The following SNX27 variants were observed in gnomAD, a reference collection of about 807,000 sequenced individuals.
SNX27 encodes sorting nexin-27.
SNX27 carries 22 observed loss-of-function variants against 71.6 expected under a neutral mutation model. The ratio of observed to expected loss-of-function variants is 0.31; its 90% CI spans 0.22 to 0.44. SNX27 has a LOEUF of 0.44. Among genes scored for constraint, SNX27 ranks in the 20% least tolerant of loss-of-function variants. The pLI is 1.00. For missense variants in SNX27, 531 were observed against 698.6 expected (o/e 0.76, Z 2.70); for synonymous variants, 269 against 277.2 (o/e 0.97, Z 0.29).
intron 2 of SNX27, among the ~76,000 whole-genome samples, chr1:151,647,893 T>A (rs1669122364): frequency 6.6e-6 from 1 of 151,580 alleles, no homozygotes; most frequent in Non-Finnish European, 1.5e-5. Context: ...GTATACAGCA[T>A]GTATAAAGAA....
Position 151,612,181 on chromosome 1 carries a change from T to A in SNX27, c.-21T>A, listed in dbSNP as rs899263445. Reference sequence around the variant, plus strand: ...GCCTTGGAGGCGTAGGGGGCGGGGGTACGGCTCGCCTGCTCGCAAGATGGC... The same window carrying A: ...GCCTTGGAGGCGTAGGGGGCGGGGGAACGGCTCGCCTGCTCGCAAGATGGC... On this transcript the variant is annotated 5_prime_UTR_variant, in exon 1 of 12. Coordinates refer to ENST00000458013, the MANE Select transcript of SNX27 (RefSeq NM_001330723.2). The surrounding 1 kb of genome is among the most constrained non-coding windows in gnomAD (Gnocchi z 5.2). The A allele has an allele frequency of 4.5e-6, 6 of 1,323,538 alleles. No homozygotes were observed. The highest frequency in any genetic ancestry group is 5.8e-6 in the Non-Finnish European group (6 of 1,034,992). 82.0% of individuals were successfully genotyped at this position (1,323,538 alleles called of 1,614,324 possible). A position where few individuals can be genotyped will look rare whatever the true frequency, so the allele number is the denominator to read the frequency against.
intron 8 of SNX27, among the ~76,000 whole-genome samples, chr1:151,691,473 T>G (rs868854300): frequency 3.4e-5 from 5 of 148,990 alleles, no homozygotes; most frequent in Non-Finnish European, 6.0e-5. Context: ...CTGGTTTTTT[T>G]TTTTTTTTTT....
At chr1:151,675,493 G>A (rs1304385670) in intron 7 of SNX27, among the ~76,000 whole-genome samples, 1 of 151,442 alleles carries the variant, frequency 6.6e-6, no homozygotes, top group Non-Finnish European at 1.5e-5. Flanking sequence ...ATTTATGACT[G>A]AGTTAATGTA....
At chr1:151,630,925 G>A (rs550527343) in intron 1 of SNX27, among the ~76,000 whole-genome samples, 44 of 152,240 alleles carry the variant, frequency 2.9e-4, no homozygotes, top group African/African-American at 1.0e-3. Context: ...CCAGCTACTC[G>A]GGAGGCTGAG....
At chr1:151,637,796 C>G (rs1668536991) in intron 1 of SNX27, among the ~76,000 whole-genome samples, 1 of 152,172 alleles carries the variant, frequency 6.6e-6, no homozygotes, top group Non-Finnish European at 1.5e-5. Context: ...AGGCTTGTTA[C>G]TAAATTTAGT....
chr1:151,658,177 G>A, intron 2 of SNX27, 58 bp from the exon 3 acceptor site: 1 of 1,494,204 alleles, frequency 6.7e-7, no homozygotes, highest in South Asian at 1.3e-5. Flanking sequence ...CTGACTAGAT[G>A]ATTTTGTGAT....
intron 1 of SNX27, among the ~76,000 whole-genome samples, chr1:151,635,777 T>C (rs531710768): frequency 6.6e-6 from 1 of 152,344 alleles, no homozygotes; most frequent in Non-Finnish European, 1.5e-5. Context: ...CTGGAAGTTT[T>C]TTCCTGTCTT....
In SNX27 at chr1:151,696,669, T is replaced by TTTTTTCC. The variant is rs908237839; in HGVS notation, c.*2252_*2253insTTTTTCC. On this transcript the variant is annotated 3_prime_UTR_variant, in exon 12 of 12. Coordinates refer to ENST00000458013, the MANE Select transcript of SNX27 (RefSeq NM_001330723.2). Reference sequence around the variant, plus strand: ...TTTTTCTGTTTTTTTTTTTTTTTTTTCCCAGAGTCTTGCTCTGTCGCCCAG... The same window carrying TTTTTTCC: ...TTTTTCTGTTTTTTTTTTTTTTTTTTTTTTTCCCCCAGAGTCTTGCTCTGTCGCCCAG... The TTTTTTCC allele has an allele frequency of 1.7e-5, 2 of 117,356 alleles. No homozygotes were observed. The highest frequency in any genetic ancestry group is 8.4e-5 in the African/African-American group (2 of 23,740). 7.3% of individuals were successfully genotyped at this position (117,356 alleles called of 1,614,324 possible).
chr1:151,689,716 T>C (rs562286138), intron 8 of SNX27, among the ~76,000 whole-genome samples: 1 of 152,360 alleles, frequency 6.6e-6, no homozygotes, highest in South Asian at 2.1e-4. Flanking sequence ...TTAAGTGTCC[T>C]GGAGCAGAAT....
intron 7 of SNX27, among the ~76,000 whole-genome samples, chr1:151,671,304 C>T (rs1670445220): frequency 2.7e-5 from 4 of 150,672 alleles, no homozygotes; most frequent in Admixed American, 2.7e-4. Flanking sequence ...GTGGCATGAT[C>T]ACAACTCACT....
chr1:151,648,959 TTTTA>T (rs890135937), intron 2 of SNX27, among the ~76,000 whole-genome samples: 1 of 152,128 alleles, frequency 6.6e-6, no homozygotes, highest in Non-Finnish European at 1.5e-5. Context: ...TTCTTTTTCT[TTTTA>T]TTTATTTATT....
Position 151,612,655 on chromosome 1 carries a change from C to A in SNX27, c.311+143C>A. 1 of 620,182 alleles carries A rather than the reference C, an allele frequency of 1.6e-6. No individual in the cohort carries two copies. The highest frequency in any genetic ancestry group is 2.4e-6 in the Non-Finnish European group (1 of 418,350). 38.4% of individuals were successfully genotyped at this position (620,182 alleles called of 1,614,324 possible). A position where few individuals can be genotyped will look rare whatever the true frequency, so the allele number is the denominator to read the frequency against. ...ACCCCCGCCCCTCAGGCCTCCGCAG[C>A]CGGGCCCCTCCTTGTGGGCTGCCCT... On this transcript the variant is annotated intron_variant, in intron 1 of 11. Coordinates refer to ENST00000458013, the MANE Select transcript of SNX27 (RefSeq NM_001330723.2). The surrounding 1 kb of genome is among the most constrained non-coding windows in gnomAD (Gnocchi z 5.2).
intron 1 of SNX27, among the ~76,000 whole-genome samples, chr1:151,633,682 C>T (rs184742313): frequency 6.6e-6 from 1 of 152,212 alleles, no homozygotes; most frequent in Non-Finnish European, 1.5e-5. Flanking sequence ...ATAGTTTTGT[C>T]TATTCCAGAA....
chr1:151,693,288 G>A (rs1378965016), intron 10 of SNX27, 136 bp from the exon 11 acceptor site: 23 of 984,248 alleles, frequency 2.3e-5, no homozygotes, highest in Middle Eastern at 4.7e-4. Context: ...ACCAGGCCTG[G>A]GTTTTATGGT....
intron 1 of SNX27, chr1:151,614,208 A>C (rs931468048): frequency 2.0e-5 from 3 of 151,606 alleles, no homozygotes; most frequent in African/African-American, 7.3e-5. Context: ...TTGCTCACCT[A>C]GGCCAGTGTT....
chr1:151,667,826 C>CAAA (rs138979420), intron 6 of SNX27, among the ~76,000 whole-genome samples: 47 of 74,172 alleles, frequency 6.3e-4, no homozygotes, highest in African/African-American at 1.5e-3. Context: ...GACTCCGTCT[C>CAAA]AAAAAAAAAA....
chr1:151,630,808 T>A (rs989278142), intron 1 of SNX27, among the ~76,000 whole-genome samples: 1 of 152,014 alleles, frequency 6.6e-6, no homozygotes, highest in Non-Finnish European at 1.5e-5. Flanking sequence ...CCGAGGTGGG[T>A]GGATCACGAG....
At chr1:151,693,916 A>ACTGCT in intron 11 of SNX27, 1 of 1,369,412 alleles carries the variant, frequency 7.3e-7, no homozygotes, top group Non-Finnish European at 9.4e-7. Flanking sequence ...CTGTTGCTTT[A>ACTGCT]CTGCTGTCTG....
chr1:151,620,467 C>T (rs1667619586), intron 1 of SNX27, among the ~76,000 whole-genome samples: 1 of 152,126 alleles, frequency 6.6e-6, no homozygotes, highest in African/African-American at 2.4e-5. Flanking sequence ...AGCTCTGACA[C>T]CCAGAACTGG....
Sources: gnomAD v4.1 joint callset for allele counts (sites outside exome capture counted in the v4.1 genomes callset) on GRCh38, gnomAD v4.1.1 for gene constraint, Gnocchi (gnomAD v3.1) non-coding constraint, MANE v1.5 for transcripts, NCBI Gene and HGNC (gene_info 2026-07-23, HGNC 2026-07-21) for gene names.